The following CHFR variants were observed in gnomAD, a reference collection of about 807,000 sequenced individuals.
The protein encoded by CHFR is checkpoint with forkhead and ring finger domains.
Under a neutral mutation model 87.6 loss-of-function variants are expected in CHFR, and 57 were observed. That is an observed-to-expected ratio of 0.65 (90% CI 0.53 to 0.81). The LOEUF is 0.81. Ranked by LOEUF, CHFR falls within the 30% of genes least tolerant of loss-of-function variation. The pLI is 0.00. For missense variants in CHFR, 797 were observed against 865.8 expected (o/e 0.92, Z 1.00); for synonymous variants, 381 against 359.2 (o/e 1.06, Z -0.69).
chr12:132,850,783 G>A (rs1218176159), intron 12 of CHFR, among the ~76,000 whole-genome samples: 2 of 152,044 alleles, frequency 1.3e-5, no homozygotes, highest in East Asian at 1.9e-4. Flanking sequence ...GGAGCCAACC[G>A]CGGTGCTCAA....
chr12:132,848,238 ATTTCT>A (rs1358553124), intron 13 of CHFR, 83 bp from the exon 14 acceptor site: 6 of 1,593,240 alleles, frequency 3.8e-6, no homozygotes, highest in Non-Finnish European at 5.1e-6. Flanking sequence ...GGATAAACAT[ATTTCT>A]TTTCATTACA....
chr12:132,861,503 C>T lies in CHFR; in HGVS notation c.715G>A (p.Glu239Lys). The T allele has an allele frequency of 1.2e-6, 2 of 1,614,230 alleles. No individual in the cohort carries two copies. The highest frequency in any genetic ancestry group is 1.6e-4 in the Middle Eastern group (1 of 6,062). ...TTCTTCTTCACGGGCTCCAAATCCT[C>T]CTGATCCTGGGGTTCCAACGACGAA... ...SFSSLEPQDQ[E>K]DLEPVKKKMR... Residue 239 changes from glutamate (E) to lysine (K), a missense_variant, in exon 7 of 18, where the codon GAG (glutamate) becomes AAG (lysine). Glu to Lys is a moderately conservative substitution (Grantham distance 56). This residue lies in a region of CHFR where 597 missense variants were observed against 601.2 expected (regional missense o/e 0.99). Coordinates refer to ENST00000450056, the MANE Select transcript of CHFR (RefSeq NM_001161346.2).
At chr12:132,855,943 G>A (rs1373284418) in intron 10 of CHFR, among the ~76,000 whole-genome samples, 1 of 152,148 alleles carries the variant, frequency 6.6e-6, no homozygotes, top group Non-Finnish European at 1.5e-5. Flanking sequence ...ACCTCAACAT[G>A]TCAGCAGATA....
chr12:132,851,548 C>T, intron 12 of CHFR, 70 bp downstream of exon 12: 1 of 1,502,036 alleles, frequency 6.7e-7, no homozygotes, highest in Admixed American at 1.9e-5. Context: ...CTAAGGCCAA[C>T]ACCGCTTTGA....
At position 132,887,314 on chromosome 12, in the gene CHFR, C is replaced by T; in HGVS notation, c.15G>A (p.Glu5=). The T allele has an allele frequency of 1.4e-6, 2 of 1,473,970 alleles. No individual in the cohort carries two copies. Among genetic ancestry groups the T allele is most frequent in the South Asian group, 2.6e-5 (2 of 77,420 alleles). 91.3% of individuals were successfully genotyped at this position (1,473,970 alleles called of 1,614,324 possible). Residue 5 remains glutamate, a synonymous_variant, in exon 2 of 18, where the codon GAG becomes GAA. Coordinates refer to ENST00000450056, the MANE Select transcript of CHFR (RefSeq NM_001161346.2). ...GCGGCGGCGGCGACTGCTTGCCTTC[C>T]TCGGGCCGCTCCATCGGGATTCACA... The part of the protein sequence containing the change: MERP[E]EGKQSPPPQP...
intron 7 of CHFR, 107 bp downstream of exon 7, chr12:132,861,360 C>CA: frequency 8.8e-7 from 1 of 1,137,098 alleles, no homozygotes; most frequent in Non-Finnish European, 1.3e-6. Flanking sequence ...GCAGGGTCCA[C>CA]ATGCCCCTGC....
At chr12:132,857,854 A>G (rs768155485) in intron 8 of CHFR, among the ~76,000 whole-genome samples, 4 of 152,260 alleles carry the variant, frequency 2.6e-5, no homozygotes, top group Non-Finnish European at 5.9e-5. Flanking sequence ...TTCCCGCGGA[A>G]AAGCAAGGAG....
Position 132,859,229 on chromosome 12 carries a change from T to C in CHFR, c.752-2A>G. 6.2e-7 allele frequency: 1 copy of C among 1,611,512 alleles called. No individual in the cohort carries two copies. Among genetic ancestry groups the C allele is most frequent in the Non-Finnish European group, 8.5e-7 (1 of 1,178,668 alleles). On this transcript the variant is annotated splice_acceptor_variant, in intron 7 of 17. Coordinates refer to ENST00000450056, the MANE Select transcript of CHFR (RefSeq NM_001161346.2). LOFTEE classifies it high-confidence loss of function. ...GCCCGTTCAGGTCAAGGTCCCCATC[T>C]ACAGGAGAAAGGGATGTGTTCTGTC... is the stretch of plus-strand genomic sequence containing the variant.
intron 11 of CHFR, 116 bp from the exon 12 acceptor site, chr12:132,851,853 G>T: frequency 7.9e-7 from 1 of 1,272,508 alleles, no homozygotes. Context: ...AGCCGGGGAA[G>T]AAGCAGACCT....
At chr12:132,861,361 A>G (rs2136981994) in intron 7 of CHFR, 106 bp downstream of exon 7, 2 of 1,144,112 alleles carry the variant, frequency 1.7e-6, no homozygotes, top group East Asian at 2.4e-5. Context: ...CAGGGTCCAC[A>G]TGCCCCTGCA....
rs117630891 is a variant in CHFR, at chr12:132,840,132, A to G, written c.*1422T>C. 3,786 of 153,332 alleles carry G rather than the reference A, an allele frequency of 0.025. 70 individuals are homozygous for G. Among genetic ancestry groups the G allele is most frequent in the South Asian group, 0.073 (378 of 5,178 alleles). The allele number at this position is 153,332 out of a possible 1,614,324, so 9.5% of individuals were successfully genotyped here. A position where few individuals can be genotyped will look rare whatever the true frequency, so the allele number is the denominator to read the frequency against. Reference sequence around the variant, plus strand: ...TGCATTGTGGCTTCTTCTGGTGCTCAGCTGAAGACAAAGCCTCCACACTGG... The same window carrying G: ...TGCATTGTGGCTTCTTCTGGTGCTCGGCTGAAGACAAAGCCTCCACACTGG... On this transcript the variant is annotated 3_prime_UTR_variant, in exon 18 of 18. Coordinates refer to ENST00000450056, the MANE Select transcript of CHFR (RefSeq NM_001161346.2).
intron 9 of CHFR, 34 bp from the exon 10 acceptor site, chr12:132,856,664 C>T (rs1302611779): frequency 6.2e-7 from 1 of 1,607,722 alleles, no homozygotes; most frequent in African/African-American, 1.3e-5. Context: ...CATTCACCGG[C>T]AGTGAGACAT....
In CHFR at chr12:132,870,354, AAAACAAAC is replaced by A. The variant is rs150035482; in HGVS notation, c.403+362_403+369del. 5.2e-4 allele frequency among the ~76,000 whole-genome samples: 76 copies of A among 145,136 alleles called. 1 individual carries two copies. The South Asian group carries it at 9.2e-3, about 18-fold the overall frequency. The stretch of plus-strand genomic sequence containing the variant: ...GCGACAAAGCGCGACTCCATCTCAA[AAAACAAAC>A]AAACAAACAAACAAACAAAATTAGC... On this transcript the variant is annotated intron_variant, in intron 5 of 17. Transcript: ENST00000450056.
chr12:132,881,564 T>C (rs1452262877), intron 2 of CHFR, among the ~76,000 whole-genome samples: 2 of 151,998 alleles, frequency 1.3e-5, no homozygotes, highest in East Asian at 1.9e-4. Flanking sequence ...CAAATAAGAA[T>C]TGGCTGAAAA....
intron 17 of CHFR, among the ~76,000 whole-genome samples, chr12:132,842,139 CATCTT>C (rs1950716736): frequency 1.4e-5 from 2 of 146,902 alleles, no homozygotes; most frequent in African/African-American, 5.0e-5. Flanking sequence ...GAAGTGCAAA[CATCTT>C]AGATAATTTT....
chr12:132,873,384 C>G (rs1041956356), intron 3 of CHFR, among the ~76,000 whole-genome samples: 1 of 152,238 alleles, frequency 6.6e-6, no homozygotes, highest in African/African-American at 2.4e-5. Flanking sequence ...CAGGCAGTGG[C>G]TGTGTGTGTC....
At chr12:132,856,987 C>G (rs1951087919) in intron 9 of CHFR, among the ~76,000 whole-genome samples, 1 of 141,692 alleles carries the variant, frequency 7.1e-6, no homozygotes, top group Non-Finnish European at 1.5e-5. Context: ...CCTCACGTGC[C>G]CGGGTGCTGG....
In CHFR at chr12:132,841,253, A is replaced by G; in HGVS notation, c.*301T>C. ...AGTTTCGGAAAATGTACAAAAGAGC[A>G]AAACTGCCCCTCTCGGCGGGACGGC... On this transcript the variant is annotated 3_prime_UTR_variant, in exon 18 of 18. Coordinates refer to ENST00000450056, the MANE Select transcript of CHFR (RefSeq NM_001161346.2). 1 of 326,850 alleles carries G rather than the reference A, an allele frequency of 3.1e-6. No individual in the cohort carries two copies. 20.2% of individuals were successfully genotyped at this position (326,850 alleles called of 1,614,324 possible). A position where few individuals can be genotyped will look rare whatever the true frequency, so the allele number is the denominator to read the frequency against.
chr12:132,881,005 G>A (rs1485496136), intron 2 of CHFR, among the ~76,000 whole-genome samples: 2 of 147,602 alleles, frequency 1.4e-5, no homozygotes, highest in Admixed American at 6.7e-5. Context: ...GGTGGTTCAC[G>A]CCTATAATCC....
Sources: allele counts gnomAD v4.1 joint callset (sites outside exome capture counted in the v4.1 genomes callset), GRCh38; gene constraint gnomAD v4.1.1; regional missense constraint gnomAD v4.1.1; transcripts MANE v1.5; gene names NCBI Gene and HGNC (gene_info 2026-07-23, HGNC 2026-07-21).